The following GREB1 variants were observed in gnomAD, a reference collection of about 807,000 sequenced individuals.
GREB1 encodes protein GREB1.
GREB1 carries 106 observed loss-of-function variants against 200.7 expected under a neutral mutation model. That is an observed-to-expected ratio of 0.53 (90% CI 0.45 to 0.62). The LOEUF (loss-of-function observed/expected upper bound fraction) is 0.62. Among genes scored for constraint, GREB1 ranks in the 20% least tolerant of loss-of-function variants. The pLI is 0.00. For missense variants in GREB1, 2,243 were observed against 2,556.8 expected (o/e 0.88, Z 2.65); for synonymous variants, 1,132 against 1,092.4 (o/e 1.04, Z -0.72).
At chr2:11,639,473 C>A (rs951697572) in intron 32 of GREB1, among the ~76,000 whole-genome samples, 2 of 152,238 alleles carry the variant, frequency 1.3e-5, no homozygotes, top group African/African-American at 4.8e-5. Context: ...GAGTCTTTCT[C>A]CTCATCCTGG....
chr2:11,624,640 C>T (rs183293296), intron 23 of GREB1, among the ~76,000 whole-genome samples: 64 of 152,234 alleles, frequency 4.2e-4, no homozygotes, highest in African/African-American at 1.5e-3. Context: ...CCACCATGCC[C>T]GGCCAAGATA....
chr2:11,563,157 G>C, intron 3 of GREB1: 1 of 152,126 alleles, frequency 6.6e-6, no homozygotes, highest in East Asian at 1.9e-4. Flanking sequence ...ATTTTTAGTA[G>C]AGATGGGGTT....
Position 11,640,174 on chromosome 2 carries a change from G to A in GREB1, c.5687-117G>A, listed in dbSNP as rs1466470991. Reference sequence around the variant, plus strand: ...GAAGCAAGGGGCCGACTTGGATGCCGCTTCTGCCCTTCCCAACAGCGCCCT... The same window carrying A: ...GAAGCAAGGGGCCGACTTGGATGCCACTTCTGCCCTTCCCAACAGCGCCCT... On this transcript the variant is annotated intron_variant, in intron 32 of 32. Coordinates refer to ENST00000381486, the MANE Select transcript of GREB1 (RefSeq NM_014668.4). The surrounding 1 kb of genome is among the most constrained non-coding windows in gnomAD (Gnocchi z 4.6). 8 of 919,530 alleles carry A rather than the reference G, an allele frequency of 8.7e-6. No individual in the cohort carries two copies. Among genetic ancestry groups the A allele is most frequent in the Non-Finnish European group, 1.3e-5 (8 of 618,688 alleles). 57.0% of individuals were successfully genotyped at this position (919,530 alleles called of 1,614,324 possible).
intron 1 of GREB1, among the ~76,000 whole-genome samples, chr2:11,505,988 A>G (rs563877326): frequency 6.6e-6 from 1 of 152,362 alleles, no homozygotes; most frequent in Non-Finnish European, 1.5e-5. Context: ...TGCAGGGTGC[A>G]GAGAGGCAGA....
At chr2:11,552,884 C>T (rs1399039709) in intron 1 of GREB1, among the ~76,000 whole-genome samples, 3 of 151,864 alleles carry the variant, frequency 2.0e-5, no homozygotes, top group Admixed American at 6.6e-5. Flanking sequence ...GTGGCGCACG[C>T]CTGTAGTCCC....
At chr2:11,604,778 A>T (rs542961275) in intron 17 of GREB1, among the ~76,000 whole-genome samples, 2 of 152,210 alleles carry the variant, frequency 1.3e-5, no homozygotes, top group South Asian at 4.1e-4. Context: ...TGTCTGGAGA[A>T]CTCTCTTGAA....
At chr2:11,538,748 T>TTTTCTTCCTTTC (rs1674449506) in intron 1 of GREB1, among the ~76,000 whole-genome samples, 1 of 79,796 alleles carries the variant, frequency 1.3e-5, no homozygotes, top group Admixed American at 1.2e-4. Flanking sequence ...CCCTTCCTTC[T>TTTTCTTCCTTTC]TTCCTTCCTT....
rs761863760 is a variant in GREB1, at chr2:11,626,945, T to C, written c.4307-17T>C. On this transcript the variant is annotated splice_polypyrimidine_tract_variant and intron_variant, in intron 24 of 32. Coordinates refer to ENST00000381486, the MANE Select transcript of GREB1 (RefSeq NM_014668.4). Reference sequence around the variant, plus strand: ...TTTGCTCCCTGCTGCTTTTTAATCCTGGGGAATTTGGTGCAGACAGAGGGA... The same window carrying C: ...TTTGCTCCCTGCTGCTTTTTAATCCCGGGGAATTTGGTGCAGACAGAGGGA... 3.1e-6 allele frequency: 5 copies of C among 1,613,910 alleles called. No homozygotes were observed. The African/African-American group carries it at 5.3e-5, about 17-fold the overall frequency.
intron 20 of GREB1, among the ~76,000 whole-genome samples, chr2:11,615,847 A>C (rs1340635150): frequency 2.0e-5 from 3 of 152,250 alleles, no homozygotes; most frequent in Non-Finnish European, 4.4e-5. Context: ...AGACGTAGAC[A>C]GTCATTCAAA....
intron 1 of GREB1, among the ~76,000 whole-genome samples, chr2:11,554,160 G>T (rs550346279): frequency 2.6e-5 from 4 of 152,248 alleles, no homozygotes; most frequent in Admixed American, 2.6e-4. Context: ...TCTCCTGTTA[G>T]GTTACTCCGG....
intron 1 of GREB1, among the ~76,000 whole-genome samples, chr2:11,483,939 T>C (rs183407087): frequency 4.4e-4 from 67 of 152,316 alleles, no homozygotes; most frequent in African/African-American, 1.5e-3. Flanking sequence ...GAAAGACTTT[T>C]TATTATCCCT....
At chr2:11,558,959 A>C (rs866680106) in intron 2 of GREB1, among the ~76,000 whole-genome samples, 2 of 152,130 alleles carry the variant, frequency 1.3e-5, no homozygotes, top group African/African-American at 4.8e-5. Context: ...AAACCCTTAC[A>C]CATTCTTGAT....
chr2:11,637,579 C>T (rs1292460503), intron 30 of GREB1, 137 bp from the exon 31 acceptor site: 1 of 662,744 alleles, frequency 1.5e-6, no homozygotes, highest in Non-Finnish European at 2.6e-6. Context: ...GAAGTTTATT[C>T]TTGAAGTATG....
At chr2:11,509,879 T>G (rs984836043) in intron 1 of GREB1, among the ~76,000 whole-genome samples, 2 of 152,196 alleles carry the variant, frequency 1.3e-5, no homozygotes, top group African/African-American at 4.8e-5. Context: ...GTTTATAAAT[T>G]AGCTGATCTA....
At position 11,640,212 on chromosome 2, in the gene GREB1, C is replaced by G. The variant is rs1685712441; in HGVS notation, c.5687-79C>G. The stretch of plus-strand genomic sequence containing the variant: ...CCAACAGCGCCCTGTCTTGTCATTG[C>G]AAGTAGAATCCGGGCAGCCGCTTTC... On this transcript the variant is annotated intron_variant, in intron 32 of 32. Transcript: ENST00000381486. This position sits in a 1 kb window ranked among gnomAD's most constrained non-coding sequence, Gnocchi z 4.6. The G allele has an allele frequency of 2.0e-5, 28 of 1,407,098 alleles. No homozygotes were observed. Among genetic ancestry groups the G allele is most frequent in the Non-Finnish European group, 2.7e-5 (28 of 1,033,916 alleles). 87.2% of individuals were successfully genotyped at this position (1,407,098 alleles called of 1,614,324 possible). A position where few individuals can be genotyped will look rare whatever the true frequency, so the allele number is the denominator to read the frequency against.
intron 4 of GREB1, among the ~76,000 whole-genome samples, chr2:11,567,846 C>T (rs1677834369): frequency 6.6e-6 from 1 of 152,204 alleles, no homozygotes; most frequent in South Asian, 2.1e-4. Flanking sequence ...ATCTGGGTTC[C>T]TGCCCTGCAT....
rs189742851 is a variant in GREB1 at position 11,584,216 on chromosome 2, A to G, written c.902-945A>G. ...AGTTGAGACATGAATCTCTGCATGT[A>G]GGGGAAATTTTGTGTCTGGTTAGTC... On this transcript the variant is annotated intron_variant, in intron 7 of 32. Coordinates refer to ENST00000381486, the MANE Select transcript of GREB1 (RefSeq NM_014668.4). 2.8e-3 allele frequency among the ~76,000 whole-genome samples: 424 copies of G among 152,310 alleles called. 7 individuals are homozygous for G. Among genetic ancestry groups the G allele is most frequent in the Admixed American group, 1.9e-3 (29 of 15,302 alleles).
At chr2:11,617,730 C>T (rs1683547454) in intron 21 of GREB1, among the ~76,000 whole-genome samples, 1 of 152,060 alleles carries the variant, frequency 6.6e-6, no homozygotes, top group Non-Finnish European at 1.5e-5. Flanking sequence ...GTTGTTGGGG[C>T]CGGGGGTGTG....
At chr2:11,543,485 A>G (rs1357506278) in intron 1 of GREB1, among the ~76,000 whole-genome samples, 1 of 152,198 alleles carries the variant, frequency 6.6e-6, no homozygotes, top group Non-Finnish European at 1.5e-5. Flanking sequence ...TTTATAAAAG[A>G]GGAAATGGAG....
Sources: allele counts gnomAD v4.1 joint callset (sites outside exome capture counted in the v4.1 genomes callset), GRCh38; gene constraint gnomAD v4.1.1; non-coding constraint Gnocchi (gnomAD v3.1); transcripts MANE v1.5; gene names NCBI Gene and HGNC (gene_info 2026-07-23, HGNC 2026-07-21).